The following C12orf42 variants were observed in gnomAD, a reference collection of about 807,000 sequenced individuals.
C12orf42 encodes chromosome 12 open reading frame 42.
In C12orf42, 25 loss-of-function variants were observed where a neutral mutation model predicts 21.6. That is an observed-to-expected ratio of 1.16 (90% CI 0.84 to 1.62). C12orf42 has a LOEUF of 1.62. Ranked by LOEUF, C12orf42 falls within the 40% of genes most tolerant of loss-of-function variation. C12orf42 has a pLI of 0.00. For synonymous variants in C12orf42, 174 were observed against 175.0 expected (o/e 0.99, Z 0.05); for missense variants, 483 against 459.3 (o/e 1.05, Z -0.47).
intron 4 of C12orf42, among the ~76,000 whole-genome samples, chr12:103,329,573 A>T (rs2041033969): frequency 6.6e-6 from 1 of 152,030 alleles, no homozygotes; most frequent in South Asian, 2.1e-4. Flanking sequence ...AAAAAGAATT[A>T]AAAATCTCAC....
chr12:103,391,278 C>T (rs186426955), intron 3 of C12orf42, among the ~76,000 whole-genome samples: 13 of 152,030 alleles, frequency 8.6e-5, no homozygotes, highest in South Asian at 2.1e-4. Flanking sequence ...TCTCTGTTTT[C>T]GATTATTTAG....
chr12:103,363,274 ACT>A (rs1247077394), intron 4 of C12orf42, among the ~76,000 whole-genome samples: 3 of 152,036 alleles, frequency 2.0e-5, no homozygotes, highest in Admixed American at 6.6e-5. Flanking sequence ...GGAAAGATAC[ACT>A]CTTTTTCAGA....
intron 4 of C12orf42, among the ~76,000 whole-genome samples, chr12:103,344,627 T>C (rs1566117718): frequency 6.6e-6 from 1 of 152,086 alleles, no homozygotes; most frequent in Non-Finnish European, 1.5e-5. Flanking sequence ...TTGGATCAAT[T>C]AAACTGTTCA....
At chr12:103,407,553 CTTACT>C (rs2048515693) in intron 2 of C12orf42, among the ~76,000 whole-genome samples, 1 of 152,110 alleles carries the variant, frequency 6.6e-6, no homozygotes. Context: ...TTTTCTCTAT[CTTACT>C]TTAAGAATAC....
chr12:103,339,434 A>G (rs989463293), intron 4 of C12orf42, among the ~76,000 whole-genome samples: 3 of 152,092 alleles, frequency 2.0e-5, no homozygotes, highest in Non-Finnish European at 2.9e-5. Flanking sequence ...TTTAACTACT[A>G]CTTGTGAGAC....
intron 4 of C12orf42, among the ~76,000 whole-genome samples, chr12:103,307,486 C>T (rs1015755758): frequency 3.9e-5 from 6 of 152,058 alleles, no homozygotes; most frequent in South Asian, 2.1e-4. Flanking sequence ...ACATTTCTAG[C>T]GTCTCAGTAG....
At chr12:103,200,998 T>C in the C12orf42 span, among the ~76,000 whole-genome samples, 2 of 152,158 alleles carry the variant, frequency 1.3e-5, no homozygotes, top group Non-Finnish European at 2.9e-5. Context: ...TATGGAAGCA[T>C]TTTCCCTGCA....
At chr12:103,250,291 T>A (rs948710183) in intron 10 of C12orf42, among the ~76,000 whole-genome samples, 3 of 151,952 alleles carry the variant, frequency 2.0e-5, no homozygotes, top group Non-Finnish European at 4.4e-5. Flanking sequence ...GTCTCTCAGT[T>A]TTTCTCTCTT....
chr12:103,375,919 T>C (rs1379350904), intron 3 of C12orf42, among the ~76,000 whole-genome samples: 1 of 152,166 alleles, frequency 6.6e-6, no homozygotes, highest in Non-Finnish European at 1.5e-5. Context: ...AGGTGGCCCT[T>C]CTCCTAACCT....
chr12:103,432,005 T>C (rs1256500454), intron 2 of C12orf42, among the ~76,000 whole-genome samples: 1 of 152,180 alleles, frequency 6.6e-6, no homozygotes, highest in Non-Finnish European at 1.5e-5. Context: ...AGAGATCAAG[T>C]GCACAGTTTG....
the C12orf42 span, among the ~76,000 whole-genome samples, chr12:103,200,118 T>G: frequency 2.0e-4 from 31 of 151,888 alleles, no homozygotes; most frequent in African/African-American, 7.5e-4. Context: ...AAAAATACGG[T>G]ATACACATAT....
chr12:103,515,174 A>C, the C12orf42 span, among the ~76,000 whole-genome samples: 5 of 152,192 alleles, frequency 3.3e-5, no homozygotes, highest in Non-Finnish European at 7.4e-5. Flanking sequence ...CATTATTCTT[A>C]AACTTGCAAT....
chr12:103,396,481 A>C (rs2047545811), intron 3 of C12orf42: 1 of 152,238 alleles, frequency 6.6e-6, no homozygotes, highest in South Asian at 2.1e-4. Context: ...ACTAACATAA[A>C]TACATTATAA....
At chr12:103,236,584 T>C (rs2033473824), downstream of C12orf42, among the ~76,000 whole-genome samples, 1 of 152,210 alleles carries the variant, frequency 6.6e-6, no homozygotes, top group African/African-American at 2.4e-5. Flanking sequence ...GCAAGACACA[T>C]GGAGGGTCTT....
At chr12:103,256,696 C>G (rs578015088) in intron 10 of C12orf42, among the ~76,000 whole-genome samples, 3 of 152,138 alleles carry the variant, frequency 2.0e-5, no homozygotes, top group African/African-American at 7.2e-5. Context: ...GAAATGGGTT[C>G]CTTTCTAATA....
At chr12:103,479,729 T>G (rs1954325609) in intron 1 of C12orf42, among the ~76,000 whole-genome samples, 1 of 152,028 alleles carries the variant, frequency 6.6e-6, no homozygotes, top group African/African-American at 2.4e-5. Context: ...GATGCTGAAG[T>G]GATGCTACAT....
At chr12:103,151,652 G>T in the C12orf42 span, among the ~76,000 whole-genome samples, 1 of 151,942 alleles carries the variant, frequency 6.6e-6, no homozygotes, top group Non-Finnish European at 1.5e-5. Context: ...AAAAATAAAT[G>T]AACATTTTGA....
chr12:103,503,890 C>A, the C12orf42 span: 2 of 155,072 alleles, frequency 1.3e-5, no homozygotes, highest in South Asian at 3.6e-4. Flanking sequence ...CACTTCTGGT[C>A]TAAAAGCTGG....
chr12:103,221,026 C>T, the C12orf42 span, among the ~76,000 whole-genome samples: 1 of 152,212 alleles, frequency 6.6e-6, no homozygotes. Flanking sequence ...TGCTTTGTTG[C>T]TGACGATTAG....
Sources: allele counts gnomAD v4.1 joint callset (sites outside exome capture counted in the v4.1 genomes callset), GRCh38; gene constraint gnomAD v4.1.1; transcripts MANE v1.5; gene names NCBI Gene and HGNC (gene_info 2026-07-23, HGNC 2026-07-21).